MRPS28: variants seen among roughly 807,000 people sequenced by gnomAD.
The protein encoded by MRPS28 is mitochondrial ribosomal protein S28, also known as small ribosomal subunit protein bS1m.
MRPS28 carries 7 observed loss-of-function variants against 10.8 expected under a neutral mutation model. The ratio of observed to expected loss-of-function variants is 0.65; its 90% CI spans 0.37 to 1.22. The LOEUF (loss-of-function observed/expected upper bound fraction) is 1.22. Ranked by LOEUF, MRPS28 falls within the 50% of genes most tolerant of loss-of-function variation. The pLI is 0.02. For missense variants in MRPS28, 265 were observed against 232.9 expected (o/e 1.14, Z -0.90); for synonymous variants, 121 against 93.3 (o/e 1.30, Z -1.71).
chr8:79,923,899 C>T (rs1225990429), intron 2 of MRPS28, among the ~76,000 whole-genome samples: 2 of 152,184 alleles, frequency 1.3e-5, no homozygotes, highest in African/African-American at 4.8e-5. Context: ...GTATTAAGGG[C>T]ATGGTTTAAA....
rs1203172404 is a variant in MRPS28, at chr8:79,992,186, C to T, written c.395+10813G>A. Among the ~76,000 whole-genome samples the T allele has an allele frequency of 2.0e-5, 3 of 152,200 alleles. No individual in the cohort carries two copies. The East Asian group carries it at 5.8e-4, about 29-fold the overall frequency. On this transcript the variant is annotated intron_variant, in intron 2 of 2. Transcript: ENST00000276585. ...ACTGAACTTCATGTGAGACCTTGAGCCAGAATCATCTAGCTAAGGCATTCC... is the reference window on the plus strand; with the variant it reads ...ACTGAACTTCATGTGAGACCTTGAGTCAGAATCATCTAGCTAAGGCATTCC...
chr8:79,963,827 A>T (rs1337252797), intron 2 of MRPS28, among the ~76,000 whole-genome samples: 1 of 151,814 alleles, frequency 6.6e-6, no homozygotes, highest in Non-Finnish European at 1.5e-5. Flanking sequence ...AATGCTCCAC[A>T]CTCGTCCCTG....
intron 2 of MRPS28, among the ~76,000 whole-genome samples, chr8:79,934,217 CT>C (rs1241062808): frequency 9.9e-5 from 15 of 152,140 alleles, no homozygotes; most frequent in Non-Finnish European, 2.2e-4. Flanking sequence ...GTTAATTTTT[CT>C]GCGTCTTACT....
chr8:79,993,889 TAGAAACAAAGATG>T (rs1221757182), intron 2 of MRPS28, among the ~76,000 whole-genome samples: 2 of 152,176 alleles, frequency 1.3e-5, no homozygotes, highest in Non-Finnish European at 2.9e-5. Context: ...CAATCTGAAA[TAGAAACAAAGATG>T]GGAAAATTAG....
chr8:80,027,650 T>C (rs1401466602), intron 1 of MRPS28, among the ~76,000 whole-genome samples: 1 of 152,218 alleles, frequency 6.6e-6, no homozygotes, highest in Non-Finnish European at 1.5e-5. Flanking sequence ...CTGAAGTCAG[T>C]GGTATCAATT....
intron 1 of MRPS28, among the ~76,000 whole-genome samples, chr8:80,005,497 G>A (rs917184554): frequency 6.6e-6 from 1 of 152,116 alleles, no homozygotes; most frequent in South Asian, 2.1e-4. Flanking sequence ...CACTAAACAT[G>A]GAAAGGAACA....
At chr8:79,976,162 C>G (rs892381321) in intron 2 of MRPS28, among the ~76,000 whole-genome samples, 1 of 151,974 alleles carries the variant, frequency 6.6e-6, no homozygotes, top group Non-Finnish European at 1.5e-5. Context: ...CAGCTCACTG[C>G]AACCTCTGCC....
At chr8:79,919,653 T>C (rs1194423380) in intron 2 of MRPS28, among the ~76,000 whole-genome samples, 13 of 152,212 alleles carry the variant, frequency 8.5e-5, no homozygotes, top group Admixed American at 8.5e-4. Flanking sequence ...TCTTAAAAGT[T>C]GCCTTTAAAG....
chr8:80,004,280 A>G (rs1432689547), intron 1 of MRPS28, among the ~76,000 whole-genome samples: 1 of 152,170 alleles, frequency 6.6e-6, no homozygotes. Context: ...TACCCCTCTG[A>G]GACGAAGCTT....
chr8:79,922,024 G>C (rs111929033), intron 2 of MRPS28, among the ~76,000 whole-genome samples: 41 of 152,254 alleles, frequency 2.7e-4, no homozygotes, highest in African/African-American at 9.9e-4. Context: ...GACCTTTTCT[G>C]CATCTATTGA....
intron 2 of MRPS28, among the ~76,000 whole-genome samples, chr8:79,944,703 T>TTTTTC (rs1367852385): frequency 2.7e-5 from 4 of 147,942 alleles, no homozygotes; most frequent in African/African-American, 5.0e-5. Context: ...TCTTTTTTCT[T>TTTTTC]TTTTTTTTTT....
At chr8:79,983,862 T>C (rs201533986) in intron 2 of MRPS28, among the ~76,000 whole-genome samples, 8 of 152,088 alleles carry the variant, frequency 5.3e-5, no homozygotes, top group African/African-American at 1.7e-4. Context: ...AGGATATTAT[T>C]CAGGAGAACT....
intron 2 of MRPS28, among the ~76,000 whole-genome samples, chr8:79,970,075 CCAA>C (rs1157155775): frequency 6.6e-6 from 1 of 152,188 alleles, no homozygotes; most frequent in African/African-American, 2.4e-5. Context: ...CATCGATATT[CCAA>C]CAAGTTCCAT....
chr8:79,956,661 T>A (rs1399123085), intron 2 of MRPS28: 2 of 152,082 alleles, frequency 1.3e-5, no homozygotes, highest in South Asian at 2.1e-4. Context: ...GACCCCAGTG[T>A]CTGTTGTTTC....
chr8:80,006,457 C>A (rs1248710020), intron 1 of MRPS28, among the ~76,000 whole-genome samples: 1 of 152,052 alleles, frequency 6.6e-6, no homozygotes, highest in Non-Finnish European at 1.5e-5. Flanking sequence ...ACAAAAAAAC[C>A]TTCAAATAAT....
At chr8:79,979,550 G>A (rs147041249) in intron 2 of MRPS28, among the ~76,000 whole-genome samples, 59 of 151,914 alleles carry the variant, frequency 3.9e-4, no homozygotes, top group African/African-American at 1.3e-3. Context: ...GTGAGACAGG[G>A]TCTTACTCTG....
At chr8:79,990,316 A>C (rs1448186895) in intron 2 of MRPS28, among the ~76,000 whole-genome samples, 1 of 152,116 alleles carries the variant, frequency 6.6e-6, no homozygotes, top group Non-Finnish European at 1.5e-5. Flanking sequence ...GAGTCCTATC[A>C]GTCTTTCTCT....
At chr8:79,960,901 T>C (rs999519566) in intron 2 of MRPS28, among the ~76,000 whole-genome samples, 8 of 151,952 alleles carry the variant, frequency 5.3e-5, no homozygotes, top group Non-Finnish European at 1.0e-4. Context: ...AGATCAAACA[T>C]AAAACCTTAT....
At chr8:79,999,860 T>A (rs1808613055) in intron 2 of MRPS28, among the ~76,000 whole-genome samples, 1 of 152,120 alleles carries the variant, frequency 6.6e-6, no homozygotes, top group South Asian at 2.1e-4. Context: ...CCTTGACTCT[T>A]ATCTTTTTTT....
Sources: gnomAD v4.1 joint callset for allele counts (sites outside exome capture counted in the v4.1 genomes callset) on GRCh38, gnomAD v4.1.1 for gene constraint, MANE v1.5 for transcripts, NCBI Gene and HGNC (gene_info 2026-07-23, HGNC 2026-07-21) for gene names.